ZNF621: variants seen among roughly 807,000 people sequenced by gnomAD.
ZNF621 encodes the protein zinc finger protein 621.
ZNF621 carries 6 observed loss-of-function variants against 12.7 expected under a neutral mutation model. That is an observed-to-expected ratio of 0.47 (90% CI 0.26 to 0.93). The LOEUF (loss-of-function observed/expected upper bound fraction) is 0.93, where lower values mean the gene tolerates loss of function less well. ZNF621 is among the 40% of genes least tolerant of loss of function. The pLI is 0.15. For synonymous variants in ZNF621, 156 were observed against 190.3 expected, an observed-to-expected ratio of 0.82 and a Z score of 1.48; for missense variants, 474 against 524.0, an observed-to-expected ratio of 0.90 and a Z score of 0.93.
Position 40,533,887 on chromosome 3 carries a change from A to G in ZNF621, c.*797A>G, listed in dbSNP as rs1698800625. 1 of 152,604 alleles carries G rather than the reference A, an allele frequency of 6.6e-6. No individual in the cohort carries two copies. The highest frequency in any genetic ancestry group is 2.4e-5 in the African/African-American group (1 of 41,440). 9.5% of individuals were successfully genotyped at this position (152,604 alleles called of 1,614,324 possible). A position where few individuals can be genotyped will look rare whatever the true frequency, so the allele number is the denominator to read the frequency against. On this transcript the variant is annotated 3_prime_UTR_variant, in exon 5 of 5. Coordinates refer to ENST00000339296, the MANE Select transcript of ZNF621 (RefSeq NM_198484.5). ...ATGTTGCCCTTGGCACAGATCTTTG[A>G]GAATCTCATACATCTGTGAAAAAGA...
intron 2 of ZNF621, among the ~76,000 whole-genome samples, chr3:40,528,407 C>T (rs569632778): frequency 2.0e-5 from 3 of 152,310 alleles, no homozygotes; most frequent in East Asian, 1.9e-4. Context: ...AAGGACATCT[C>T]GGTTGCTTCC....
intron 4 of ZNF621, among the ~76,000 whole-genome samples, chr3:40,530,681 A>G (rs1252542000): frequency 6.6e-6 from 1 of 152,158 alleles, no homozygotes; most frequent in Non-Finnish European, 1.5e-5. Context: ...TTTGGGGCCA[A>G]ACTGATTTAT....
chr3:40,526,311 C>T (rs1698581554), intron 2 of ZNF621, among the ~76,000 whole-genome samples: 1 of 152,168 alleles, frequency 6.6e-6, no homozygotes, highest in South Asian at 2.1e-4. Context: ...GCTGGGATTA[C>T]AGATGTGCGC....
Position 40,538,144 on chromosome 3 carries a change from G to C in ZNF621, c.*5054G>C, listed in dbSNP as rs971374911. 7.8e-6 allele frequency: 2 copies of C among 256,176 alleles called. No individual in the cohort carries two copies. Among genetic ancestry groups the C allele is most frequent in the Admixed American group, 1.1e-4 (2 of 19,004 alleles). 15.9% of individuals were successfully genotyped at this position (256,176 alleles called of 1,614,324 possible). On this transcript the variant is annotated 3_prime_UTR_variant, in exon 5 of 5. Coordinates refer to ENST00000339296, the MANE Select transcript of ZNF621 (RefSeq NM_198484.5). ...TCTAGAAATGGAAGATCAAAGCCTG[G>C]ATGACAGCACATCTGTTTACAGCAT...
intron 2 of ZNF621, among the ~76,000 whole-genome samples, chr3:40,527,087 C>T (rs755225002): frequency 4.6e-5 from 7 of 151,964 alleles, no homozygotes; most frequent in Admixed American, 6.6e-5. Flanking sequence ...GTGCGATCTT[C>T]GCTCACTGCA....
rs1239966132 is a variant in ZNF621 at position 40,536,840 on chromosome 3, TTC to T, written c.*3752_*3753del. On this transcript the variant is annotated 3_prime_UTR_variant, in exon 5 of 5. Transcript: ENST00000339296. Reference sequence around the variant, plus strand: ...TCAACAGCATGTGCTCATTTCATTTTTCTGTGTCTTACACAGAAACTTAAAAT... The same window carrying T: ...TCAACAGCATGTGCTCATTTCATTTTTGTGTCTTACACAGAAACTTAAAAT... 6.6e-6 allele frequency: 1 copy of T among 152,246 alleles called. No individual in the cohort carries two copies. Among genetic ancestry groups the T allele is most frequent in the Admixed American group, 6.5e-5 (1 of 15,290 alleles). 9.4% of individuals were successfully genotyped at this position (152,246 alleles called of 1,614,324 possible).
In ZNF621 at chr3:40,539,203, C is replaced by G. The variant is rs1437852018; in HGVS notation, c.*6113C>G. 1 of 152,664 alleles carries G rather than the reference C, an allele frequency of 6.6e-6. No individual in the cohort carries two copies. Among genetic ancestry groups the G allele is most frequent in the East Asian group, 1.9e-4 (1 of 5,250 alleles). The allele number at this position is 152,664 out of a possible 1,614,324, so 9.5% of individuals were successfully genotyped here. A position where few individuals can be genotyped will look rare whatever the true frequency, so the allele number is the denominator to read the frequency against. On this transcript the variant is annotated 3_prime_UTR_variant, in exon 5 of 5. Transcript: ENST00000339296. ...AGAATGTTCCACTGTGGGTAAAAGG[C>G]TATCCAACAGCAACACATGCTACAG...
intron 4 of ZNF621, among the ~76,000 whole-genome samples, chr3:40,531,573 AT>A (rs1220512478): frequency 2.6e-5 from 4 of 151,240 alleles, no homozygotes; most frequent in Non-Finnish European, 4.4e-5. Flanking sequence ...TTATTTTTCT[AT>A]TTTTTTAAGA....
In ZNF621 at chr3:40,533,496, A is replaced by G. The variant is rs1472930231; in HGVS notation, c.*406A>G. 5.3e-6 allele frequency: 1 copy of G among 188,064 alleles called. No individual in the cohort carries two copies. Among genetic ancestry groups the G allele is most frequent in the Non-Finnish European group, 1.1e-5 (1 of 88,616 alleles). 11.6% of individuals were successfully genotyped at this position (188,064 alleles called of 1,614,324 possible). The stretch of plus-strand genomic sequence containing the variant: ...TTTTCATCACCTTACATGTGTTAAC[A>G]GCTGTTTCAACATAAACTCCATTAT... On this transcript the variant is annotated 3_prime_UTR_variant, in exon 5 of 5. Transcript: ENST00000339296.
In ZNF621 at chr3:40,536,052, C is replaced by T. The variant is rs1698856987; in HGVS notation, c.*2962C>T. The T allele has an allele frequency of 6.6e-6, 1 of 151,920 alleles. No homozygotes were observed. The highest frequency in any genetic ancestry group is 2.4e-5 in the African/African-American group (1 of 41,340). The allele number at this position is 151,920 out of a possible 1,614,324, so 9.4% of individuals were successfully genotyped here. On this transcript the variant is annotated 3_prime_UTR_variant, in exon 5 of 5. Coordinates refer to ENST00000339296, the MANE Select transcript of ZNF621 (RefSeq NM_198484.5). ...CAGAACAAAGCAAAAAACAAACTCC[C>T]CAAACCCAAGTTGAAACAAAAAAAA...
Position 40,535,690 on chromosome 3 carries a change from G to C in ZNF621, c.*2600G>C, listed in dbSNP as rs1698850234. 1 of 152,180 alleles carries C rather than the reference G, an allele frequency of 6.6e-6. No homozygotes were observed. The highest frequency in any genetic ancestry group is 1.5e-5 in the Non-Finnish European group (1 of 68,036). 9.4% of individuals were successfully genotyped at this position (152,180 alleles called of 1,614,324 possible). On this transcript the variant is annotated 3_prime_UTR_variant, in exon 5 of 5. Transcript: ENST00000339296. ...TTGCAGGGGCTTCTGGGAAATACAGGTTTTGGATTCTGCCTGGGAAGAGAG... is the reference window on the plus strand; with the variant it reads ...TTGCAGGGGCTTCTGGGAAATACAGCTTTTGGATTCTGCCTGGGAAGAGAG...
chr3:40,531,500 G>A (rs1271030320), intron 4 of ZNF621, among the ~76,000 whole-genome samples: 2 of 151,930 alleles, frequency 1.3e-5, no homozygotes, highest in Non-Finnish European at 2.9e-5. Flanking sequence ...TCCTCGTGGG[G>A]AGCACTTCCT....
intron 2 of ZNF621, among the ~76,000 whole-genome samples, chr3:40,528,358 A>T (rs1335229309): frequency 1.3e-5 from 2 of 151,990 alleles, no homozygotes; most frequent in African/African-American, 4.8e-5. Context: ...ATAATATTCC[A>T]TTGTCTATAT....
intron 3 of ZNF621, among the ~76,000 whole-genome samples, chr3:40,529,886 T>C (rs1698680141): frequency 6.6e-6 from 1 of 152,176 alleles, no homozygotes; most frequent in Non-Finnish European, 1.5e-5. Context: ...AGTGAGCCCT[T>C]TGTTCCTTTG....
At chr3:40,531,850 C>CTGTA (rs1698733258) in intron 4 of ZNF621, among the ~76,000 whole-genome samples, 180 bp from the exon 5 acceptor site, 1 of 152,226 alleles carries the variant, frequency 6.6e-6, no homozygotes. Context: ...AGGCATGAGC[C>CTGTA]ACCACACCTG....
rs1046786934 is a variant in ZNF621, at chr3:40,529,350, A to C, written c.56A>C (p.Tyr19Ser). The change falls in exon 3 of 5, where the codon TAC becomes TCC. Residue 19 changes from tyrosine to serine, a missense_variant. Transcript: ENST00000339296. Reference sequence around the variant, plus strand: ...GTGACCTTTGAGGATGTGGCTGTTTACTTCACCCAGAATCAATGGGCCAGC... The same window carrying C: ...GTGACCTTTGAGGATGTGGCTGTTTCCTTCACCCAGAATCAATGGGCCAGC... ...ESVTFEDVAVYFTQNQWASLD... is the reference protein window; with the variant it reads ...ESVTFEDVAVSFTQNQWASLD... 2 of 1,613,714 alleles carry C rather than the reference A, an allele frequency of 1.2e-6. No individual in the cohort carries two copies. Among genetic ancestry groups the C allele is most frequent in the Non-Finnish European group, 1.7e-6 (2 of 1,179,812 alleles).
At position 40,539,370 on chromosome 3, in the gene ZNF621, C is replaced by T. The variant is rs886489862; in HGVS notation, c.*6280C>T. ...GCCATCAACAGTGAGGCAAGACTGT[C>T]TTCCAGCAACAAAGACTCACTGAAG... On this transcript the variant is annotated 3_prime_UTR_variant, in exon 5 of 5. Coordinates refer to ENST00000339296, the MANE Select transcript of ZNF621 (RefSeq NM_198484.5). The T allele has an allele frequency of 6.6e-6, 1 of 152,238 alleles. No individual in the cohort carries two copies. The highest frequency in any genetic ancestry group is 2.4e-5 in the African/African-American group (1 of 41,454). The allele number at this position is 152,238 out of a possible 1,614,324, so 9.4% of individuals were successfully genotyped here. A position where few individuals can be genotyped will look rare whatever the true frequency, so the allele number is the denominator to read the frequency against.
At position 40,539,507 on chromosome 3, in the gene ZNF621, A is replaced by G. The variant is rs2125682747; in HGVS notation, c.*6417A>G. On this transcript the variant is annotated 3_prime_UTR_variant, in exon 5 of 5. Coordinates refer to ENST00000339296, the MANE Select transcript of ZNF621 (RefSeq NM_198484.5). ...TAATAGACTATAATATAGATTAAAC[A>G]TAACTTTTATAGGTACTGGAAAATA... The G allele has an allele frequency of 6.6e-6, 1 of 152,372 alleles. No individual in the cohort carries two copies. Among genetic ancestry groups the G allele is most frequent in the Non-Finnish European group, 1.5e-5 (1 of 68,042 alleles). The allele number at this position is 152,372 out of a possible 1,614,324, so 9.4% of individuals were successfully genotyped here.
chr3:40,525,604 A>G (rs2125670772), intron 1 of ZNF621, 175 bp from the exon 2 acceptor site: 1 of 633,552 alleles, frequency 1.6e-6, no homozygotes, highest in East Asian at 2.7e-5. Flanking sequence ...TGTCCTGAAG[A>G]CTAGGCAGAA....
Sources: gnomAD v4.1 joint callset for allele counts (sites outside exome capture counted in the v4.1 genomes callset) on GRCh38, gnomAD v4.1.1 for gene constraint, MANE v1.5 for transcripts, NCBI Gene and HGNC (gene_info 2026-07-23, HGNC 2026-07-21) for gene names.